SGCZ: variants seen among roughly 807,000 people sequenced by gnomAD.
SGCZ encodes zeta-sarcoglycan.
A neutral mutation model predicts 41.3 loss-of-function variants in SGCZ; 40 were observed. The observed-to-expected ratio is 0.97, with a 90% confidence interval of 0.75 to 1.26. The LOEUF is 1.26. Among genes scored for constraint, SGCZ ranks in the 50% most tolerant of loss-of-function variants. The pLI is 0.00. For missense variants in SGCZ, 552 were observed against 369.8 expected, an observed-to-expected ratio of 1.49 and a Z score of -4.04; for synonymous variants, 206 against 137.5, an observed-to-expected ratio of 1.50 and a Z score of -3.49.
At chr8:15,004,429 A>C (rs538210966) in intron 1 of SGCZ, among the ~76,000 whole-genome samples, 8 of 152,302 alleles carry the variant, frequency 5.3e-5, no homozygotes, top group South Asian at 2.1e-4. Flanking sequence ...AATTAGACCA[A>C]AAAAGGCAGA....
intron 1 of SGCZ, among the ~76,000 whole-genome samples, chr8:15,062,624 A>C (rs550635985): frequency 2.0e-5 from 3 of 152,166 alleles, no homozygotes; most frequent in Non-Finnish European, 4.4e-5. Context: ...TAACATTTTG[A>C]TTTAAAAATA....
chr8:15,004,192 A>T (rs573485041), intron 1 of SGCZ, among the ~76,000 whole-genome samples: 1 of 152,278 alleles, frequency 6.6e-6, no homozygotes, highest in South Asian at 2.1e-4. Context: ...GGACGGCAAG[A>T]GGAGAAAGGA....
chr8:14,130,337 T>A (rs73522444), intron 5 of SGCZ, among the ~76,000 whole-genome samples: 3,218 of 146,506 alleles, frequency 0.022, 146 homozygotes, highest in African/African-American at 0.076. Context: ...TTCTCTTTTA[T>A]CACTATATAA....
intron 1 of SGCZ, among the ~76,000 whole-genome samples, chr8:15,146,757 A>C (rs1799047808): frequency 6.6e-6 from 1 of 152,132 alleles, no homozygotes; most frequent in Admixed American, 6.6e-5. Flanking sequence ...ACTTTGACAA[A>C]AATATTTTTA....
At chr8:14,142,457 T>C (rs1292748038) in intron 5 of SGCZ, among the ~76,000 whole-genome samples, 1 of 152,132 alleles carries the variant, frequency 6.6e-6, no homozygotes, top group African/African-American at 2.4e-5. Flanking sequence ...CACATGATGA[T>C]ATATTTGATT....
At chr8:15,191,614 TG>T (rs1800541977) in intron 1 of SGCZ, among the ~76,000 whole-genome samples, 1 of 152,036 alleles carries the variant, frequency 6.6e-6, no homozygotes, top group Admixed American at 6.5e-5. Context: ...TATGAAAGTA[TG>T]TGATGAGAAA....
intron 1 of SGCZ, among the ~76,000 whole-genome samples, chr8:14,687,171 A>AATATAT (rs59722242): frequency 1.8e-4 from 25 of 141,304 alleles, no homozygotes; most frequent in Admixed American, 3.5e-4. Flanking sequence ...AGAAAAAAAA[A>AATATAT]ATATATATAT....
At chr8:14,742,963 T>A (rs1799236437) in intron 1 of SGCZ, among the ~76,000 whole-genome samples, 1 of 152,270 alleles carries the variant, frequency 6.6e-6, no homozygotes, top group South Asian at 2.1e-4. Context: ...GAAACTGCGT[T>A]TGCTACAATG....
chr8:14,928,359 A>G (rs548465370), intron 1 of SGCZ, among the ~76,000 whole-genome samples: 2 of 152,180 alleles, frequency 1.3e-5, no homozygotes, highest in African/African-American at 4.8e-5. Context: ...GCTCAGGGAG[A>G]AAAGTGTGGT....
At chr8:14,646,120 G>T (rs765359184) in intron 1 of SGCZ, among the ~76,000 whole-genome samples, 27 of 151,712 alleles carry the variant, frequency 1.8e-4, no homozygotes, top group Admixed American at 4.6e-4. Context: ...TGGTTATACC[G>T]CATGATGCTG....
chr8:14,196,433 A>T lies in SGCZ; in HGVS notation c.425-31731T>A, dbSNP rs138818087. ...ATAACAAGTGGTGGAAAATTTGTGG[A>T]GTTACTTGAAATGCAAAATTTTTCA... On this transcript the variant is annotated intron_variant, in intron 4 of 7. Transcript: ENST00000382080. Among the ~76,000 whole-genome samples, 487 of 152,210 alleles carry T rather than the reference A, an allele frequency of 3.2e-3. 5 individuals are homozygous for T. The highest frequency in any genetic ancestry group is 0.011 in the African/African-American group (464 of 41,540).
At chr8:14,100,028 C>G (rs1198957146) in intron 7 of SGCZ, among the ~76,000 whole-genome samples, 3 of 152,076 alleles carry the variant, frequency 2.0e-5, no homozygotes, top group African/African-American at 7.2e-5. Flanking sequence ...AGGATAAGGA[C>G]TTTATATCCC....
Position 14,639,486 on chromosome 8 carries a change from G to T in SGCZ, c.40-84560C>A, listed in dbSNP as rs192353072. On this transcript the variant is annotated intron_variant, in intron 1 of 7. Transcript: ENST00000382080. ...GGGGATAAATCAAATCACTCTTACC[G>T]CATTTTCTTTCTTCGGAAAATCAGT... Among the ~76,000 whole-genome samples the T allele has an allele frequency of 5.9e-5, 9 of 151,734 alleles. No homozygotes were observed. The East Asian group carries it at 1.4e-3, about 23-fold the overall frequency.
At chr8:14,894,322 C>T (rs537153106) in intron 1 of SGCZ, among the ~76,000 whole-genome samples, 19 of 152,142 alleles carry the variant, frequency 1.2e-4, no homozygotes, top group African/African-American at 3.9e-4. Flanking sequence ...GAAGAGCACA[C>T]TTCTAAAATA....
chr8:14,160,996 T>C (rs927622407), intron 5 of SGCZ, among the ~76,000 whole-genome samples: 1 of 152,214 alleles, frequency 6.6e-6, no homozygotes, highest in Non-Finnish European at 1.5e-5. Flanking sequence ...ATTGCTTAAA[T>C]AGAAAACATT....
chr8:14,592,766 G>A (rs1418400265), intron 1 of SGCZ, among the ~76,000 whole-genome samples: 1 of 152,102 alleles, frequency 6.6e-6, no homozygotes, highest in Non-Finnish European at 1.5e-5. Flanking sequence ...ATTAGTGGTT[G>A]GGCATTGAGA....
chr8:14,222,133 A>G (rs377572832), intron 4 of SGCZ, among the ~76,000 whole-genome samples: 15 of 151,988 alleles, frequency 9.9e-5, no homozygotes, highest in African/African-American at 3.4e-4. Context: ...TGTTATTTAC[A>G]TTACTTCAGG....
intron 1 of SGCZ, among the ~76,000 whole-genome samples, chr8:14,765,708 G>T (rs556792504): frequency 4.2e-4 from 64 of 152,258 alleles, no homozygotes; most frequent in African/African-American, 1.5e-3. Context: ...TGCATTTTAT[G>T]GCATGACAAA....
chr8:14,652,856 TG>T (rs1242194179), intron 1 of SGCZ, among the ~76,000 whole-genome samples: 5 of 152,066 alleles, frequency 3.3e-5, no homozygotes, highest in African/African-American at 1.2e-4. Flanking sequence ...GGGTGGCCAT[TG>T]GGTATCATTA....
Sources: gnomAD v4.1 joint callset for allele counts (sites outside exome capture counted in the v4.1 genomes callset) on GRCh38, gnomAD v4.1.1 for gene constraint, MANE v1.5 for transcripts, NCBI Gene and HGNC (gene_info 2026-07-23, HGNC 2026-07-21) for gene names.